DOCK11: variants seen among roughly 807,000 people sequenced by gnomAD.
DOCK11 encodes dedicator of cytokinesis 11.
Under a neutral mutation model 169.1 loss-of-function variants are expected in DOCK11, and 70 were observed. The observed-to-expected ratio is 0.41, with a 90% CI of 0.34 to 0.51. The LOEUF is 0.51. DOCK11 is among the 20% of genes least tolerant of loss of function. The pLI, the probability that DOCK11 is intolerant of heterozygous loss-of-function variation, is 0.10. For synonymous variants in DOCK11, 529 were observed against 541.3 expected (o/e 0.98, Z 0.32); for missense variants, 1,166 against 1,538.8 (o/e 0.76, Z 4.05).
chrX:118,552,707 G>A (rs2012540991), intron 6 of DOCK11, among the ~76,000 whole-genome samples: 2 of 112,194 alleles, frequency 1.8e-5, no homozygotes, highest in Non-Finnish European at 3.8e-5. Flanking sequence ...GATGCATCAT[G>A]CAGTTCTTGC....
chrX:118,590,283 A>C lies in DOCK11; in HGVS notation c.2120A>C (p.Asn707Thr), dbSNP rs2013947529. 8.3e-7 allele frequency: 1 copy of C among 1,207,417 alleles called. No individual in the cohort carries two copies. Among genetic ancestry groups the C allele is most frequent in the Middle Eastern group, 2.3e-4 (1 of 4,269 alleles). The change falls in exon 19 of 53, where the codon AAT becomes ACT. Residue 707 changes from asparagine to threonine, a missense_variant. By Grantham distance (65) the Asn-to-Thr change is moderately conservative. Coordinates refer to ENST00000276202, the MANE Select transcript of DOCK11 (RefSeq NM_144658.4). Reference protein sequence around the residue: ...AYAVVSHHNQNPEFYDEIKIE... With the variant: ...AYAVVSHHNQTPEFYDEIKIE... ...GCTGTTGTCTCGCATCACAACCAAA[A>C]TCCAGAGTTCTATGATGAGGTAAAA... is the stretch of plus-strand genomic sequence containing the variant.
At chrX:118,647,137 A>ATGTGTG (rs1491408043) in intron 40 of DOCK11, among the ~76,000 whole-genome samples, 2 of 68,791 alleles carry the variant, frequency 2.9e-5, no homozygotes, top group Non-Finnish European at 5.4e-5. Context: ...TGTGAAGAGG[A>ATGTGTG]TATGTGTGTG....
At chrX:118,525,006 G>A (rs376732350) in intron 1 of DOCK11, among the ~76,000 whole-genome samples, 27 of 110,721 alleles carry the variant, frequency 2.4e-4, no homozygotes, top group Admixed American at 1.1e-3. Flanking sequence ...TTAGCTGGGC[G>A]TGGTGGCGTG....
chrX:118,636,745 A>T (rs776496046), intron 36 of DOCK11, among the ~76,000 whole-genome samples: 3 of 111,108 alleles, frequency 2.7e-5, no homozygotes. Flanking sequence ...GAGCAGTGTA[A>T]ATGATTGGAA....
chrX:118,671,256 TA>T, intron 46 of DOCK11, 111 bp downstream of exon 46: 1 of 671,091 alleles, frequency 1.5e-6, no homozygotes, highest in Non-Finnish European at 2.2e-6. Context: ...CTGAAGAATA[TA>T]AGGTTCATTA....
intron 14 of DOCK11, among the ~76,000 whole-genome samples, 170 bp downstream of exon 14, chrX:118,580,349 T>A (rs1476203924): frequency 8.9e-6 from 1 of 111,943 alleles, no homozygotes; most frequent in Non-Finnish European, 1.9e-5. Flanking sequence ...GGAGTTTCGC[T>A]CTTGTTGCCC....
At chrX:118,533,016 A>G (rs1168240672) in intron 1 of DOCK11, among the ~76,000 whole-genome samples, 1 of 110,918 alleles carries the variant, frequency 9.0e-6, no homozygotes, top group Non-Finnish European at 1.9e-5. Flanking sequence ...TTTGAGATGG[A>G]GATTCGCTCT....
At chrX:118,639,698 C>A in intron 38 of DOCK11, 121 bp downstream of exon 38, 1 of 728,816 alleles carries the variant, frequency 1.4e-6, no homozygotes, top group Non-Finnish European at 2.0e-6. Context: ...ATGCATGTAA[C>A]AAAATATCAC....
intron 1 of DOCK11, among the ~76,000 whole-genome samples, chrX:118,541,638 A>G (rs2012006846): frequency 1.8e-5 from 2 of 112,433 alleles, no homozygotes; most frequent in South Asian, 7.3e-4. Flanking sequence ...AAATGGGGAT[A>G]ATGATTCAAT....
At chrX:118,664,121 G>A (rs769141427) in intron 45 of DOCK11, among the ~76,000 whole-genome samples, 22 of 111,016 alleles carry the variant, frequency 2.0e-4, no homozygotes, top group African/African-American at 7.2e-4. Context: ...ATCCAGATAC[G>A]AGTAGTTAAG....
At chrX:118,583,580 T>A (rs912263066) in intron 14 of DOCK11, among the ~76,000 whole-genome samples, 1 of 110,887 alleles carries the variant, frequency 9.0e-6, no homozygotes, top group Non-Finnish European at 1.9e-5. Context: ...TATATTGTTT[T>A]CCATTTTAGC....
intron 19 of DOCK11, 96 bp downstream of exon 19, chrX:118,590,398 C>A (rs2013954172): frequency 1.4e-6 from 1 of 720,664 alleles, no homozygotes; most frequent in South Asian, 2.6e-5. Flanking sequence ...CTTTCAATCC[C>A]TGAGTGTTTT....
intron 41 of DOCK11, among the ~76,000 whole-genome samples, chrX:118,649,542 G>A (rs984895224): frequency 4.5e-5 from 5 of 111,063 alleles, no homozygotes; most frequent in African/African-American, 1.3e-4. Flanking sequence ...TTTTTGAGAC[G>A]GAGTCTCGCC....
chrX:118,582,179 G>A (rs775029309), intron 14 of DOCK11, among the ~76,000 whole-genome samples: 19 of 112,011 alleles, frequency 1.7e-4, no homozygotes, highest in African/African-American at 4.5e-4. Flanking sequence ...ACTTATCTAC[G>A]TGCTTCATGT....
chrX:118,517,306 C>T (rs1174301096), intron 1 of DOCK11, among the ~76,000 whole-genome samples: 1 of 108,536 alleles, frequency 9.2e-6, no homozygotes, highest in Non-Finnish European at 1.9e-5. Flanking sequence ...TTGCTTAAAC[C>T]CAGGAGTTTG....
chrX:118,655,014 T>G (rs1386679018), intron 44 of DOCK11, 53 bp downstream of exon 44: 13 of 1,077,695 alleles, frequency 1.2e-5, no homozygotes, highest in Non-Finnish European at 1.7e-5. Context: ...GCATAATAGT[T>G]TTTTATCTTT....
At position 118,559,009 on chromosome X, in the gene DOCK11, C is replaced by T. The variant is rs1194759834; in HGVS notation, c.559-2374C>T. Among the ~76,000 whole-genome samples, 6 of 112,185 alleles carry T rather than the reference C, an allele frequency of 5.3e-5. No homozygotes were observed. The East Asian group carries it at 1.7e-3, about 31-fold the overall frequency. The stretch of plus-strand genomic sequence containing the variant: ...ATCATAAGACTTTCAGGCAACTGCT[C>T]TTTCTGAGTGCTCTTTCAGGCATCA... On this transcript the variant is annotated intron_variant, in intron 6 of 52. Coordinates refer to ENST00000276202, the MANE Select transcript of DOCK11 (RefSeq NM_144658.4).
chrX:118,597,896 G>T, intron 21 of DOCK11, 134 bp from the exon 22 acceptor site: 3 of 411,317 alleles, frequency 7.3e-6, no homozygotes, highest in Non-Finnish European at 1.2e-5. Context: ...TAAAGGCAGG[G>T]TATTTTCTCC....
chrX:118,619,356 C>G (rs2014904942), intron 31 of DOCK11, among the ~76,000 whole-genome samples: 1 of 103,329 alleles, frequency 9.7e-6, no homozygotes, highest in Non-Finnish European at 2.0e-5. Flanking sequence ...CACCTGTAGT[C>G]TTAGTTACTC....
Sources: allele counts gnomAD v4.1 joint callset (sites outside exome capture counted in the v4.1 genomes callset), GRCh38; gene constraint gnomAD v4.1.1; transcripts MANE v1.5; gene names NCBI Gene and HGNC (gene_info 2026-07-23, HGNC 2026-07-21).